The following CPQ variants were observed in gnomAD, a reference collection of about 807,000 sequenced individuals.
CPQ encodes the protein Ser-Met dipeptidase.
A neutral mutation model predicts 45.7 loss-of-function variants in CPQ; 37 were observed. The observed-to-expected ratio is 0.81, with a 90% CI of 0.62 to 1.07. The LOEUF is 1.07. Ranked by LOEUF, CPQ falls within the 50% of genes least tolerant of loss-of-function variation. CPQ has a pLI of 0.00. For synonymous variants in CPQ, 186 were observed against 205.8 expected, an observed-to-expected ratio of 0.90 and a Z score of 0.82; for missense variants, 537 against 572.9, an observed-to-expected ratio of 0.94 and a Z score of 0.64.
intron 3 of CPQ, among the ~76,000 whole-genome samples, chr8:96,867,995 G>A (rs1236475683): frequency 6.6e-6 from 1 of 152,010 alleles, no homozygotes; most frequent in Non-Finnish European, 1.5e-5. Flanking sequence ...TCAGTCCCTT[G>A]GAGTTTGGGT....
At chr8:96,755,115 T>G (rs1810313690) in intron 1 of CPQ, among the ~76,000 whole-genome samples, 1 of 151,956 alleles carries the variant, frequency 6.6e-6, no homozygotes, top group Non-Finnish European at 1.5e-5. Flanking sequence ...AATTCTTGAT[T>G]AGTAATGAAA....
intron 4 of CPQ, among the ~76,000 whole-genome samples, chr8:96,897,776 C>T (rs1369607815): frequency 3.3e-5 from 5 of 152,114 alleles, no homozygotes; most frequent in South Asian, 2.1e-4. Context: ...GAATACTCAA[C>T]ATGTGAGACT....
rs1586377502 is a variant in CPQ, at chr8:96,732,440, T to G, written c.-34-52424T>G. 5.9e-5 allele frequency: 9 copies of G among 152,354 alleles called. 2 individuals are homozygous for G. Among genetic ancestry groups the G allele is most frequent in the African/African-American group, 2.2e-4 (9 of 41,578 alleles). The allele number at this position is 152,354 out of a possible 1,614,324, so 9.4% of individuals were successfully genotyped here. ...AGATGTTTGGTGGGCTCAGTGGGGA[T>G]GACCCTTAGTCTTTAAAACATTTTT... On this transcript the variant is annotated intron_variant, in intron 1 of 7. Transcript: ENST00000220763.
intron 1 of CPQ, among the ~76,000 whole-genome samples, chr8:96,725,247 T>G (rs935411401): frequency 6.6e-6 from 1 of 152,146 alleles, no homozygotes; most frequent in Non-Finnish European, 1.5e-5. Flanking sequence ...CTAGTTAAAC[T>G]AAAGAGCTTC....
At chr8:96,751,382 G>T (rs1041055476) in intron 1 of CPQ, among the ~76,000 whole-genome samples, 1 of 152,156 alleles carries the variant, frequency 6.6e-6, no homozygotes, top group Non-Finnish European at 1.5e-5. Flanking sequence ...TTTCTCTAAT[G>T]ACCAGTGATG....
chr8:96,827,202 C>T (rs1442679095), intron 2 of CPQ, among the ~76,000 whole-genome samples: 1 of 151,964 alleles, frequency 6.6e-6, no homozygotes, highest in African/African-American at 2.4e-5. Context: ...AATAATGGAA[C>T]ATATGTCATA....
At chr8:96,839,201 A>G (rs1398976583) in intron 3 of CPQ, among the ~76,000 whole-genome samples, 1 of 152,042 alleles carries the variant, frequency 6.6e-6, no homozygotes, top group Non-Finnish European at 1.5e-5. Context: ...TTGTGGTGTA[A>G]TCATCAATAT....
At chr8:97,114,821 A>G (rs1385702689) in intron 7 of CPQ, among the ~76,000 whole-genome samples, 1 of 152,150 alleles carries the variant, frequency 6.6e-6, no homozygotes, top group East Asian at 1.9e-4. Flanking sequence ...AGTCTCCTTT[A>G]AAAACAATGC....
At chr8:97,142,405 C>T (rs947846072) in intron 7 of CPQ, among the ~76,000 whole-genome samples, 5 of 152,118 alleles carry the variant, frequency 3.3e-5, no homozygotes, top group Admixed American at 3.3e-4. Context: ...CCTGCTGGTG[C>T]CCTTGGAGGT....
chr8:96,996,084 A>G (rs1409958281), intron 5 of CPQ, among the ~76,000 whole-genome samples: 1 of 152,062 alleles, frequency 6.6e-6, no homozygotes, highest in Non-Finnish European at 1.5e-5. Flanking sequence ...AGGGTGGACG[A>G]TGGTGTTAAG....
Position 96,916,125 on chromosome 8 carries a change from G to A in CPQ, c.849+36120G>A, listed in dbSNP as rs113665440. Among the ~76,000 whole-genome samples, 3 of 152,258 alleles carry A rather than the reference G, an allele frequency of 2.0e-5. No homozygotes were observed. The East Asian group carries it at 5.8e-4, about 29-fold the overall frequency. On this transcript the variant is annotated intron_variant, in intron 4 of 7. Transcript: ENST00000220763. ...CCCTTCCTTTATAAGCCCCGGTTGAGTAGCTTCACTTTAGAGTATGCGAGT... is the reference window on the plus strand; with the variant it reads ...CCCTTCCTTTATAAGCCCCGGTTGAATAGCTTCACTTTAGAGTATGCGAGT...
intron 5 of CPQ, among the ~76,000 whole-genome samples, chr8:96,986,796 C>T (rs1808990823): frequency 6.6e-6 from 1 of 152,176 alleles, no homozygotes; most frequent in Non-Finnish European, 1.5e-5. Context: ...ACGTTTGAAT[C>T]ACACACGTCT....
intron 1 of CPQ, among the ~76,000 whole-genome samples, chr8:96,777,753 TATATA>T (rs1810631644): frequency 5.7e-4 from 8 of 13,936 alleles, no homozygotes; most frequent in African/African-American, 2.0e-3. Context: ...TATATATATA[TATATA>T]TATTTTTTTT....
At chr8:96,883,056 T>C (rs944425664) in intron 4 of CPQ, among the ~76,000 whole-genome samples, 4 of 152,334 alleles carry the variant, frequency 2.6e-5, no homozygotes, top group African/African-American at 9.6e-5. Context: ...TGAGGCTTAT[T>C]TCACTCAGCA....
chr8:96,926,359 G>A (rs1812873461), intron 4 of CPQ, among the ~76,000 whole-genome samples: 1 of 152,086 alleles, frequency 6.6e-6, no homozygotes, highest in Non-Finnish European at 1.5e-5. Flanking sequence ...ATCACTTTGG[G>A]GTGGGGCTGG....
At chr8:96,997,751 G>A (rs958511672) in intron 5 of CPQ, among the ~76,000 whole-genome samples, 2 of 151,878 alleles carry the variant, frequency 1.3e-5, no homozygotes, top group African/African-American at 4.8e-5. Context: ...CCATGTGTGG[G>A]ATTCATCATT....
chr8:96,667,435 G>A (rs1483705070), intron 1 of CPQ, among the ~76,000 whole-genome samples: 13 of 147,610 alleles, frequency 8.8e-5, no homozygotes, highest in Non-Finnish European at 1.8e-4. Flanking sequence ...TGCAACCTCC[G>A]CCTCCCGGGT....
chr8:96,707,087 AGG>A, intron 1 of CPQ, among the ~76,000 whole-genome samples: 1 of 152,196 alleles, frequency 6.6e-6, no homozygotes, highest in South Asian at 2.1e-4. Flanking sequence ...CTTTTGATCT[AGG>A]GGAAAAAAAG....
chr8:96,995,424 C>A (rs971590505), intron 5 of CPQ, among the ~76,000 whole-genome samples: 1 of 151,898 alleles, frequency 6.6e-6, no homozygotes, highest in African/African-American at 2.4e-5. Flanking sequence ...ATAATAAATG[C>A]AGAAGAAGCT....
Sources: gnomAD v4.1 joint callset for allele counts (sites outside exome capture counted in the v4.1 genomes callset) on GRCh38, gnomAD v4.1.1 for gene constraint, MANE v1.5 for transcripts, NCBI Gene and HGNC (gene_info 2026-07-23, HGNC 2026-07-21) for gene names.